Variants in ADAMTSL1 observed in about 807,000 individuals in gnomAD.
ADAMTSL1 encodes ADAMTS-like protein 1.
A neutral mutation model predicts 201.8 loss-of-function variants in ADAMTSL1; 126 were observed. The observed-to-expected ratio is 0.62, with a 90% CI of 0.54 to 0.72. The LOEUF is 0.72. ADAMTSL1 is among the 30% of genes least tolerant of loss of function. The pLI is 0.00. For synonymous variants in ADAMTSL1, 1,121 were observed against 903.4 expected (o/e 1.24, Z -4.32); for missense variants, 2,679 against 2,277.8 (o/e 1.18, Z -3.59).
intron 1 of ADAMTSL1, among the ~76,000 whole-genome samples, chr9:18,042,820 C>T (rs1360555668): frequency 1.3e-5 from 2 of 152,122 alleles, no homozygotes; most frequent in Non-Finnish European, 2.9e-5. Context: ...TAAATCATGA[C>T]TGATATGCAG....
chr9:18,389,381 G>T (rs1236628811), intron 2 of ADAMTSL1, among the ~76,000 whole-genome samples: 1 of 152,046 alleles, frequency 6.6e-6, no homozygotes, highest in African/African-American at 2.4e-5. Context: ...CAAAAAATTT[G>T]CACTGATAAT....
At chr9:18,508,715 C>G (rs1464358914) in intron 2 of ADAMTSL1, among the ~76,000 whole-genome samples, 1 of 152,046 alleles carries the variant, frequency 6.6e-6, no homozygotes, top group Non-Finnish European at 1.5e-5. Context: ...CATTAAAATA[C>G]ATAACTCTAA....
intron 4 of ADAMTSL1, among the ~76,000 whole-genome samples, chr9:18,595,286 A>G (rs1341567238): frequency 6.6e-6 from 1 of 151,948 alleles, no homozygotes; most frequent in African/African-American, 2.4e-5. Context: ...GCATTTGGGG[A>G]TCTTCTGTGA....
intron 13 of ADAMTSL1, among the ~76,000 whole-genome samples, chr9:18,688,963 C>T (rs973567008): frequency 1.3e-5 from 2 of 151,734 alleles, no homozygotes; most frequent in East Asian, 3.9e-4. Flanking sequence ...CAAACTATGT[C>T]ATTTCGAATT....
intron 1 of ADAMTSL1, among the ~76,000 whole-genome samples, chr9:17,973,084 G>A (rs199771329): frequency 1.7e-5 from 2 of 119,872 alleles, no homozygotes; most frequent in Non-Finnish European, 1.8e-5. Context: ...AGATGAGTAG[G>A]TTGCAAAAAT....
At chr9:18,046,690 T>C (rs1387360381) in intron 1 of ADAMTSL1, among the ~76,000 whole-genome samples, 5 of 152,314 alleles carry the variant, frequency 3.3e-5, no homozygotes, top group Middle Eastern at 3.4e-3. Flanking sequence ...ATAATAATTA[T>C]ACAATCTACC....
rs140844136 is a variant in ADAMTSL1, at chr9:18,501,587, G to C, written c.64-3242G>C. On this transcript the variant is annotated intron_variant, in intron 1 of 28. Transcript: ENST00000380548. ...GCCAGACACAAAATTTGTTTATAGT[G>C]AAGAAAGTCTTAAAAACTGCAATAA... is the stretch of plus-strand genomic sequence containing the variant. Among the ~76,000 whole-genome samples, 1,080 of 151,348 alleles carry C rather than the reference G, an allele frequency of 7.1e-3. 10 individuals are homozygous for C. Among genetic ancestry groups the C allele is most frequent in the African/African-American group, 0.025 (1,021 of 41,270 alleles).
At chr9:18,233,746 A>C (rs1218277977) in intron 2 of ADAMTSL1, among the ~76,000 whole-genome samples, 2 of 152,200 alleles carry the variant, frequency 1.3e-5, no homozygotes, top group African/African-American at 4.8e-5. Context: ...CATTGCCAGA[A>C]GCACTGTACT....
chr9:18,244,988 G>A (rs1831205718), intron 2 of ADAMTSL1, among the ~76,000 whole-genome samples: 2 of 152,140 alleles, frequency 1.3e-5, no homozygotes, highest in Non-Finnish European at 2.9e-5. Flanking sequence ...GTAATGCTGT[G>A]TATTACTTTT....
At chr9:18,074,485 T>C (rs1053664461) in intron 1 of ADAMTSL1, among the ~76,000 whole-genome samples, 10 of 87,054 alleles carry the variant, frequency 1.1e-4, no homozygotes, top group African/African-American at 3.4e-4. Flanking sequence ...TCTTTTCTTT[T>C]CTTTTCTTTT....
chr9:18,072,262 G>A (rs984778316), intron 1 of ADAMTSL1, among the ~76,000 whole-genome samples: 2 of 152,166 alleles, frequency 1.3e-5, no homozygotes, highest in Admixed American at 1.3e-4. Context: ...TCTTACCACT[G>A]TTATGCGAAA....
At chr9:17,972,502 T>C (rs914032320) in intron 1 of ADAMTSL1, among the ~76,000 whole-genome samples, 4 of 151,782 alleles carry the variant, frequency 2.6e-5, no homozygotes, top group Non-Finnish European at 4.4e-5. Context: ...CTCATCATTT[T>C]TTATGGCTGC....
In ADAMTSL1 at chr9:17,911,055, T is replaced by G. The variant is rs1013141870; in HGVS notation, c.87+4133T>G. 2.9e-5 allele frequency among the ~76,000 whole-genome samples: 2 copies of G among 68,696 alleles called. 1 individual carries two copies. The highest frequency in any genetic ancestry group is 5.9e-5 in the African/African-American group (2 of 34,086). 45.1% of individuals were successfully genotyped at this position (68,696 alleles called of 152,430 possible). ...CAAATGGAATGATGTTTGAGCTATA[T>G]TCTCCAAATAGTCCAAAGAACAATT... On this transcript the variant is annotated intron_variant, in intron 1 of 29. Coordinates refer to the ADAMTSL1 transcript ENST00000680146.
chr9:18,175,006 G>T (rs527563446), intron 2 of ADAMTSL1, among the ~76,000 whole-genome samples: 1 of 152,072 alleles, frequency 6.6e-6, no homozygotes, highest in Non-Finnish European at 1.5e-5. Flanking sequence ...ACATATAAAC[G>T]TTTCTTTTGC....
chr9:18,474,355 G>A (rs1226723306), intron 1 of ADAMTSL1, 60 bp downstream of exon 1: 1 of 1,454,330 alleles, frequency 6.9e-7, no homozygotes. Context: ...GCTGTTGGGG[G>A]TGTGTGTGTG....
At chr9:17,994,602 A>T (rs908707948) in intron 1 of ADAMTSL1, among the ~76,000 whole-genome samples, 1 of 152,132 alleles carries the variant, frequency 6.6e-6, no homozygotes, top group Admixed American at 6.6e-5. Flanking sequence ...AATTTCTAGC[A>T]CTTGTATTTA....
rs573782367 is a variant in ADAMTSL1, at chr9:18,737,879, T to C, written c.2007-15419T>C. On this transcript the variant is annotated intron_variant, in intron 15 of 28. Coordinates refer to ENST00000380548, the MANE Select transcript of ADAMTSL1 (RefSeq NM_001040272.6). ...CAAGAGCTCCTTTAGTGATTCGGAA[T>C]GTAGTATCTAGAGCCAGACTTCCTG... 1.4e-4 allele frequency among the ~76,000 whole-genome samples: 22 copies of C among 152,350 alleles called. No individual in the cohort carries two copies. In the East Asian group the frequency reaches 3.7e-3, roughly 25 times the overall value.
chr9:18,099,353 A>ATT lies in ADAMTSL1; in HGVS notation c.88-64508_88-64507insTT, dbSNP rs1241498568. Among the ~76,000 whole-genome samples, 9 of 45,856 alleles carry ATT rather than the reference A, an allele frequency of 2.0e-4. 1 individual carries two copies. Among genetic ancestry groups the ATT allele is most frequent in the East Asian group, 2.0e-3 (4 of 2,046 alleles). 30.1% of individuals were successfully genotyped at this position (45,856 alleles called of 152,430 possible). A position where few individuals can be genotyped will look rare whatever the true frequency, so the allele number is the denominator to read the frequency against. On this transcript the variant is annotated intron_variant, in intron 1 of 29. Transcript: ENST00000680146. ...TATATATATATATATATATATATAT[A>ATT]TATTTTTTTTTTTTTTTTTAACATC... is the stretch of plus-strand genomic sequence containing the variant.
chr9:18,644,919 G>C (rs1827694341), intron 7 of ADAMTSL1, among the ~76,000 whole-genome samples: 1 of 151,636 alleles, frequency 6.6e-6, no homozygotes, highest in Non-Finnish European at 1.5e-5. Context: ...GGGATGGCTG[G>C]GTCAAATGGT....
Sources: allele counts gnomAD v4.1 joint callset (sites outside exome capture counted in the v4.1 genomes callset), GRCh38; gene constraint gnomAD v4.1.1; transcripts MANE v1.5; gene names NCBI Gene and HGNC (gene_info 2026-07-23, HGNC 2026-07-21).